CHIC1: variants seen among roughly 807,000 people sequenced by gnomAD.
CHIC1 encodes cysteine rich hydrophobic domain 1.
In CHIC1, 7 loss-of-function variants were observed where a neutral mutation model predicts 18.5. The observed-to-expected ratio is 0.38, with a 90% CI of 0.22 to 0.71. The LOEUF (loss-of-function observed/expected upper bound fraction) is 0.71. Ranked by LOEUF, CHIC1 falls within the 30% of genes least tolerant of loss-of-function variation. CHIC1 has a pLI of 0.49. For synonymous variants in CHIC1, 77 were observed against 73.5 expected (o/e 1.05, Z -0.25); for missense variants, 159 against 176.9 (o/e 0.90, Z 0.57).
At chrX:73,671,923 C>T (rs1249685213) in intron 3 of CHIC1, among the ~76,000 whole-genome samples, 1 of 110,505 alleles carries the variant, frequency 9.0e-6, no homozygotes, top group Non-Finnish European at 1.9e-5. Context: ...CTCCCCGCTC[C>T]CACACCCCAC....
chrX:73,645,496 A>G (rs2057884821), intron 3 of CHIC1, among the ~76,000 whole-genome samples: 2 of 112,275 alleles, frequency 1.8e-5, no homozygotes, highest in South Asian at 3.7e-4. Context: ...ACTGTTTTCC[A>G]TAACAGCTGT....
At chrX:73,570,901 A>G (rs1295191942) in intron 1 of CHIC1, among the ~76,000 whole-genome samples, 1 of 111,311 alleles carries the variant, frequency 9.0e-6, no homozygotes, top group Non-Finnish European at 1.9e-5. Flanking sequence ...GTCAAGAGAA[A>G]AAGTTCTGAG....
chrX:73,665,313 T>C lies in CHIC1; in HGVS notation c.508-14013T>C, dbSNP rs1464151892. On this transcript the variant is annotated intron_variant, in intron 3 of 5. Coordinates refer to ENST00000373502, the MANE Select transcript of CHIC1 (RefSeq NM_001039840.4). The stretch of plus-strand genomic sequence containing the variant: ...GTGTATAGTGGGACCAAAGCAGCCC[T>C]TACTAAAGCCCATACTGTTAGAGAT... 4.5e-5 allele frequency among the ~76,000 whole-genome samples: 5 copies of C among 111,044 alleles called. No individual in the cohort carries two copies. In the East Asian group the frequency reaches 1.4e-3, roughly 32 times the overall value.
At chrX:73,646,213 A>G (rs780300080) in intron 3 of CHIC1, among the ~76,000 whole-genome samples, 1 of 111,703 alleles carries the variant, frequency 9.0e-6, no homozygotes, top group African/African-American at 3.2e-5. Flanking sequence ...CCATGAGTAA[A>G]CATAGGTTTA....
Position 73,677,301 on chromosome X carries a change from T to C in CHIC1, c.508-2025T>C, listed in dbSNP as rs1178494173. Among the ~76,000 whole-genome samples the C allele has an allele frequency of 5.3e-5, 6 of 112,274 alleles. No homozygotes were observed. The Admixed American group carries it at 5.6e-4, about 11-fold the overall frequency. On this transcript the variant is annotated intron_variant, in intron 3 of 5. Coordinates refer to ENST00000373502, the MANE Select transcript of CHIC1 (RefSeq NM_001039840.4). ...TAAGTCTGCAGAGGTTACTGCTGTC[T>C]TTTTGTTTGTCTGTGCCCTGCCCCC...
chrX:73,627,305 C>T (rs1392442878), intron 3 of CHIC1, among the ~76,000 whole-genome samples: 3 of 112,461 alleles, frequency 2.7e-5, no homozygotes. Context: ...TGTAACCACT[C>T]GCTGACTACT....
intron 3 of CHIC1, among the ~76,000 whole-genome samples, chrX:73,622,665 G>GT (rs753265811): frequency 9.0e-6 from 1 of 111,188 alleles, no homozygotes; most frequent in Non-Finnish European, 1.9e-5. Flanking sequence ...TTTTTGAAGG[G>GT]TTTTTTGTGT....
chrX:73,644,929 G>A (rs1409755254), intron 3 of CHIC1, among the ~76,000 whole-genome samples: 3 of 112,327 alleles, frequency 2.7e-5, no homozygotes, highest in Admixed American at 9.4e-5. Flanking sequence ...CCGGAGTGAG[G>A]CAGTGCCTCG....
chrX:73,664,747 T>C (rs1044143877), intron 3 of CHIC1, among the ~76,000 whole-genome samples: 2 of 111,390 alleles, frequency 1.8e-5, no homozygotes, highest in Non-Finnish European at 3.8e-5. Context: ...AATTTAGTTG[T>C]TGTTGTTCAT....
chrX:73,592,710 G>T (rs983522758), intron 3 of CHIC1, among the ~76,000 whole-genome samples: 1 of 109,972 alleles, frequency 9.1e-6, no homozygotes, highest in African/African-American at 3.3e-5. Context: ...GATGATGCTG[G>T]CTTCATAGGA....
chrX:73,585,551 A>G (rs1234707906), intron 3 of CHIC1, among the ~76,000 whole-genome samples: 1 of 111,476 alleles, frequency 9.0e-6, no homozygotes, highest in African/African-American at 3.3e-5. Context: ...CTGACAGCAT[A>G]AATTCCTTTT....
chrX:73,643,131 T>C (rs764074076), intron 3 of CHIC1, among the ~76,000 whole-genome samples: 2 of 111,752 alleles, frequency 1.8e-5, no homozygotes, highest in East Asian at 2.8e-4. Context: ...TTATGAAGCT[T>C]AGTTTGGCTG....
Position 73,563,501 on chromosome X carries a change from C to A in CHIC1, c.217C>A (p.Pro73Thr). The change falls in exon 1 of 6, where the codon CCT becomes ACT. Residue 73 changes from proline to threonine, a missense_variant. By Grantham distance (38) the Pro-to-Thr change is conservative (BLOSUM62 -1). Transcript: ENST00000373502. ...AGAGGAGGAGGAAGCGCCGCCCCCGCCTCGGGTAGTGAGCGAGGAGCATCT... is the reference window on the plus strand; with the variant it reads ...AGAGGAGGAGGAAGCGCCGCCCCCGACTCGGGTAGTGAGCGAGGAGCATCT... ...EEEEEEAPPP[P>T]RVVSEEHLRR... The A allele has an allele frequency of 8.6e-7, 1 of 1,166,132 alleles. No individual in the cohort carries two copies. The highest frequency in any genetic ancestry group is 1.1e-6 in the Non-Finnish European group (1 of 872,307).
intron 3 of CHIC1, among the ~76,000 whole-genome samples, chrX:73,598,130 A>G (rs1442568702): frequency 1.8e-5 from 2 of 111,013 alleles, no homozygotes; most frequent in African/African-American, 6.5e-5. Flanking sequence ...CATTGGGTAT[A>G]TGCCCAGTAA....
At chrX:73,648,150 GCAA>G (rs917165119) in intron 3 of CHIC1, among the ~76,000 whole-genome samples, 1 of 111,193 alleles carries the variant, frequency 9.0e-6, no homozygotes, top group South Asian at 3.8e-4. Context: ...CAAACAGAAA[GCAA>G]CAACAACAGT....
intron 3 of CHIC1, among the ~76,000 whole-genome samples, chrX:73,625,950 G>A (rs1238786724): frequency 9.1e-6 from 1 of 110,429 alleles, no homozygotes; most frequent in Non-Finnish European, 1.9e-5. Context: ...CCCAAAGTCA[G>A]TCAATTGTTG....
intron 3 of CHIC1, among the ~76,000 whole-genome samples, chrX:73,616,778 G>A (rs1220258675): frequency 4.5e-5 from 5 of 111,547 alleles, no homozygotes; most frequent in African/African-American, 1.6e-4. Context: ...AGAGCACCAA[G>A]TCCCTAGGCT....
intron 3 of CHIC1, among the ~76,000 whole-genome samples, chrX:73,666,252 C>T (rs1444869293): frequency 1.8e-5 from 2 of 111,763 alleles, no homozygotes; most frequent in Non-Finnish European, 3.8e-5. Flanking sequence ...GTACATTGTT[C>T]AGTTTCAATG....
At chrX:73,662,208 A>G (rs961449786) in intron 3 of CHIC1, among the ~76,000 whole-genome samples, 3 of 109,813 alleles carry the variant, frequency 2.7e-5, no homozygotes, top group African/African-American at 9.9e-5. Flanking sequence ...ACTGCTTCGA[A>G]TTGCTTTTTA....
Sources: allele counts gnomAD v4.1 joint callset (sites outside exome capture counted in the v4.1 genomes callset), GRCh38; gene constraint gnomAD v4.1.1; transcripts MANE v1.5; gene names NCBI Gene and HGNC (gene_info 2026-07-23, HGNC 2026-07-21).